AGPAT4: variants seen among roughly 807,000 people sequenced by gnomAD.
AGPAT4 encodes 1-acyl-sn-glycerol-3-phosphate acyltransferase delta.
In AGPAT4, 15 loss-of-function variants were observed where a neutral mutation model predicts 48.0. That is an observed-to-expected ratio of 0.31 (90% CI 0.21 to 0.48). AGPAT4 has a LOEUF of 0.48. Among genes scored for constraint, AGPAT4 ranks in the 20% least tolerant of loss-of-function variants. The pLI, the probability that AGPAT4 is intolerant of heterozygous loss-of-function variation, is 0.99. For missense variants in AGPAT4, 314 were observed against 482.5 expected (o/e 0.65, Z 3.27); for synonymous variants, 178 against 198.7 (o/e 0.90, Z 0.88).
chr6:161,188,247 T>A (rs3798929), intron 2 of AGPAT4, among the ~76,000 whole-genome samples: 7 of 152,044 alleles, frequency 4.6e-5, no homozygotes, highest in African/African-American at 4.8e-5. Flanking sequence ...CATTGATTGC[T>A]TCCATATCTC....
Position 161,198,922 on chromosome 6 carries a change from T to C in AGPAT4, c.179-32505A>G, listed in dbSNP as rs7756321. Among the ~76,000 whole-genome samples, 28,212 of 152,088 alleles carry C rather than the reference T, an allele frequency of 0.19. 4,825 individuals carry two copies. Among genetic ancestry groups the C allele is most frequent in the African/African-American group, 0.46 (18,976 of 41,440 alleles). On this transcript the variant is annotated intron_variant, in intron 2 of 8. Transcript: ENST00000320285. The surrounding 1 kb of genome is among the most constrained non-coding windows in gnomAD (Gnocchi z 4.3). ...ACTCCAGAAACTCCTCAAATATATG[T>C]CAGAATTACTGCTGATATCGATTCC...
Position 161,130,872 on chromosome 6 carries a change from G to A in AGPAT4, c.*5668C>T, listed in dbSNP as rs767085419. On this transcript the variant is annotated 3_prime_UTR_variant, in exon 9 of 9. Coordinates refer to ENST00000320285, the MANE Select transcript of AGPAT4 (RefSeq NM_020133.3). The stretch of plus-strand genomic sequence containing the variant: ...CATCAACTTTCCTTCCTCATGATCT[G>A]CAAAGATACAGAGAGAATGGCATTC... The A allele has an allele frequency of 1.9e-6, 1 of 519,000 alleles. No individual in the cohort carries two copies. Among genetic ancestry groups the A allele is most frequent in the Non-Finnish European group, 3.8e-6 (1 of 259,854 alleles). The allele number at this position is 519,000 out of a possible 1,614,324, so 32.1% of individuals were successfully genotyped here.
intron 2 of AGPAT4, among the ~76,000 whole-genome samples, chr6:161,176,873 A>G (rs969130596): frequency 1.9e-4 from 29 of 152,088 alleles, no homozygotes; most frequent in Non-Finnish European, 3.7e-4. Flanking sequence ...CTTGTCTGTA[A>G]AGGATTTTAT....
Position 161,171,579 on chromosome 6 carries a change from A to G in AGPAT4, c.179-5162T>C, listed in dbSNP as rs371331826. On this transcript the variant is annotated intron_variant, in intron 2 of 8. Transcript: ENST00000320285. The surrounding 1 kb of genome is among the most constrained non-coding windows in gnomAD (Gnocchi z 4.4). Reference sequence around the variant, plus strand: ...TCACCTCTTAAAGGCCCCACATCTCAACACTGTTGCATTGGGAATTAAATT... The same window carrying G: ...TCACCTCTTAAAGGCCCCACATCTCGACACTGTTGCATTGGGAATTAAATT... Among the ~76,000 whole-genome samples, 18 of 152,268 alleles carry G rather than the reference A, an allele frequency of 1.2e-4. 1 individual carries two copies. Among genetic ancestry groups the G allele is most frequent in the African/African-American group, 4.3e-4 (18 of 41,556 alleles).
At chr6:161,268,972 G>A (rs961589332) in intron 1 of AGPAT4, among the ~76,000 whole-genome samples, 4 of 152,216 alleles carry the variant, frequency 2.6e-5, no homozygotes, top group African/African-American at 7.2e-5. Context: ...GTAGGGGGTT[G>A]AAACCCACTT....
At chr6:161,260,395 C>T (rs1425852068) in intron 1 of AGPAT4, among the ~76,000 whole-genome samples, 1 of 152,158 alleles carries the variant, frequency 6.6e-6, no homozygotes, top group Non-Finnish European at 1.5e-5. Context: ...CACAGTGGCT[C>T]ACACCTGTAA....
intron 2 of AGPAT4, among the ~76,000 whole-genome samples, chr6:161,172,840 G>T (rs1431191471): frequency 7.2e-6 from 1 of 139,616 alleles, no homozygotes. Context: ...TCCCCTTCCT[G>T]TGTCCAAGTG....
intron 1 of AGPAT4, among the ~76,000 whole-genome samples, chr6:161,252,680 C>T (rs1782836239): frequency 6.6e-6 from 1 of 151,454 alleles, no homozygotes; most frequent in South Asian, 2.1e-4. Context: ...CATGGTGGTG[C>T]ACATCTGTGG....
At chr6:161,153,581 A>G in intron 4 of AGPAT4, 82 bp from the exon 5 acceptor site, 2 of 1,520,868 alleles carry the variant, frequency 1.3e-6, no homozygotes, top group Non-Finnish European at 1.8e-6. Context: ...GGGGTCACAC[A>G]CAGCCCCAGG....
rs1257763488 is a variant in AGPAT4 at position 161,254,239 on chromosome 6, A to G, written c.-90+19699T>C. Among the ~76,000 whole-genome samples, 1 of 152,188 alleles carries G rather than the reference A, an allele frequency of 6.6e-6. No homozygotes were observed. Among genetic ancestry groups the G allele is most frequent in the Non-Finnish European group, 1.5e-5 (1 of 68,036 alleles). The stretch of plus-strand genomic sequence containing the variant: ...TGTTAACATATGTCACTTGATATTG[A>G]AAAAGCTCTGTGACTTACTAGTGGA... On this transcript the variant is annotated intron_variant, in intron 1 of 8. Coordinates refer to ENST00000320285, the MANE Select transcript of AGPAT4 (RefSeq NM_020133.3). The surrounding 1 kb of genome is among the most constrained non-coding windows in gnomAD (Gnocchi z 5.9).
At chr6:161,269,631 C>T (rs9458176) in intron 1 of AGPAT4, among the ~76,000 whole-genome samples, 2,043 of 152,156 alleles carry the variant, frequency 0.013, 35 homozygotes, top group African/African-American at 0.047. Flanking sequence ...GGTGACAGAG[C>T]GAGACCCTGC....
rs1402238115 is a variant in AGPAT4, at chr6:161,184,568, A to AC, written c.179-18152dup. Among the ~76,000 whole-genome samples, 1 of 151,026 alleles carries AC rather than the reference A, an allele frequency of 6.6e-6. No individual in the cohort carries two copies. The highest frequency in any genetic ancestry group is 2.4e-5 in the African/African-American group (1 of 40,888). On this transcript the variant is annotated intron_variant, in intron 2 of 8. Coordinates refer to ENST00000320285, the MANE Select transcript of AGPAT4 (RefSeq NM_020133.3). The surrounding 1 kb of genome is among the most constrained non-coding windows in gnomAD (Gnocchi z 4.8). ...CTGGCCTCCCCTGGCCCTGCCCCGG[A>AC]CCCCCCATTCCCACCTGTCATCCTC...
chr6:161,232,089 T>A lies in AGPAT4; in HGVS notation c.125A>T (p.Asn42Ile). 6.2e-7 allele frequency: 1 copy of A among 1,614,054 alleles called. No individual in the cohort carries two copies. ...GTTGATCTTCCGGAAGAGCTGCTTG[T>A]TAATGGGCCAGAGGAGGAGAGTGAA... ...QLFTLLLWPINKQLFRKINCR... is the reference protein window; with the variant it reads ...QLFTLLLWPIIKQLFRKINCR... The change falls in exon 2 of 9, where the codon AAC (asparagine) becomes ATC (isoleucine). Residue 42 changes from asparagine to isoleucine, a missense_variant. By Grantham distance (149) the Asn-to-Ile change is moderately radical. Transcript: ENST00000320285. This position sits in a 1 kb window ranked among gnomAD's most constrained non-coding sequence, Gnocchi z 6.8.
chr6:161,194,535 T>TATGTGTGTGTATGTGTGC (rs1491175127), intron 2 of AGPAT4, among the ~76,000 whole-genome samples: 1 of 151,484 alleles, frequency 6.6e-6, no homozygotes, highest in Non-Finnish European at 1.5e-5. Flanking sequence ...TCTGTGTGTC[T>TATGTGTGTGTATGTGTGC]ATGTGTGTAT....
Position 161,143,754 on chromosome 6 carries a change from GGT to G in AGPAT4, c.843+2768_843+2769del. Among the ~76,000 whole-genome samples, 1 of 152,276 alleles carries G rather than the reference GGT, an allele frequency of 6.6e-6. No individual in the cohort carries two copies. The highest frequency in any genetic ancestry group is 1.5e-5 in the Non-Finnish European group (1 of 68,036). On this transcript the variant is annotated intron_variant, in intron 7 of 8. Transcript: ENST00000320285. The surrounding 1 kb of genome is among the most constrained non-coding windows in gnomAD (Gnocchi z 4.7). ...AAAGGATGGCCCTGTTTTCAGAGAT[GGT>G]GCCTTTCCCATATTAAAGAGTATAA...
Position 161,195,782 on chromosome 6 carries a change from TCGG to T in AGPAT4, c.179-29368_179-29366del, listed in dbSNP as rs1390034513. Among the ~76,000 whole-genome samples, 1 of 152,200 alleles carries T rather than the reference TCGG, an allele frequency of 6.6e-6. No individual in the cohort carries two copies. Among genetic ancestry groups the T allele is most frequent in the East Asian group, 1.9e-4 (1 of 5,196 alleles). On this transcript the variant is annotated intron_variant, in intron 2 of 8. Coordinates refer to ENST00000320285, the MANE Select transcript of AGPAT4 (RefSeq NM_020133.3). This position sits in a 1 kb window ranked among gnomAD's most constrained non-coding sequence, Gnocchi z 5.0. ...ACATTTAGGGAGGCATGCCACACCC[TCGG>T]GGCTCGTCACACAGGCATGGCTCTA...
chr6:161,170,465 GCGCGCGCGCA>G (rs1178098235), intron 2 of AGPAT4, among the ~76,000 whole-genome samples: 11 of 62,294 alleles, frequency 1.8e-4, no homozygotes, highest in African/African-American at 7.2e-4. Context: ...GTGCACACGT[GCGCGCGCGCA>G]CACACACACA....
rs1478733481 is a variant in AGPAT4 at position 161,133,837 on chromosome 6, C to T, written c.*2703G>A. 6.6e-6 allele frequency: 1 copy of T among 152,152 alleles called. No individual in the cohort carries two copies. The highest frequency in any genetic ancestry group is 1.5e-5 in the Non-Finnish European group (1 of 68,038). 9.4% of individuals were successfully genotyped at this position (152,152 alleles called of 1,614,324 possible). ...GGAAAGACAGACAGGAAGTGTAGCT[C>T]TTAGTCTATGGGGCTCTCCTTAGGG... On this transcript the variant is annotated 3_prime_UTR_variant, in exon 9 of 9. Coordinates refer to ENST00000320285, the MANE Select transcript of AGPAT4 (RefSeq NM_020133.3).
At position 161,142,169 on chromosome 6, in the gene AGPAT4, TTTTC is replaced by T. The variant is rs1478858157; in HGVS notation, c.844-2553_844-2550del. 8.5e-5 allele frequency among the ~76,000 whole-genome samples: 13 copies of T among 152,168 alleles called. 1 individual carries two copies. The highest frequency in any genetic ancestry group is 8.5e-4 in the Admixed American group (13 of 15,292). On this transcript the variant is annotated intron_variant, in intron 7 of 8. Transcript: ENST00000320285. This position sits in a 1 kb window ranked among gnomAD's most constrained non-coding sequence, Gnocchi z 6.4. ...GCGCCCAGCCCCATTCACTTTAAAG[TTTTC>T]TTTGTCTGTGGTTTAAAACACTAAA... is the stretch of plus-strand genomic sequence containing the variant.
Sources: allele counts gnomAD v4.1 joint callset (sites outside exome capture counted in the v4.1 genomes callset), GRCh38; gene constraint gnomAD v4.1.1; non-coding constraint Gnocchi (gnomAD v3.1); transcripts MANE v1.5; gene names NCBI Gene and HGNC (gene_info 2026-07-23, HGNC 2026-07-21).